Variants in SIPA1L1 observed in about 807,000 individuals in gnomAD.
SIPA1L1 encodes signal-induced proliferation-associated 1-like protein 1.
In SIPA1L1, 26 loss-of-function variants were observed where a neutral mutation model predicts 162.7. The ratio of observed to expected loss-of-function variants is 0.16; its 90% CI spans 0.12 to 0.22. The LOEUF is 0.22. SIPA1L1 is among the 10% of genes least tolerant of loss of function. The probability of loss-of-function intolerance (pLI) is 1.00; values close to 1 mark genes in which losing one functional copy is unlikely to be tolerated. For missense variants in SIPA1L1, 1,874 were observed against 2,241.0 expected, an observed-to-expected ratio of 0.84 and a Z score of 3.31; for synonymous variants, 829 against 837.4, an observed-to-expected ratio of 0.99 and a Z score of 0.17.
chr14:71,326,512 T>A (rs2033822071), intron 2 of SIPA1L1, among the ~76,000 whole-genome samples: 1 of 152,024 alleles, frequency 6.6e-6, no homozygotes. Context: ...CCTGGCCGAC[T>A]TGCTTCTTTT....
intron 4 of SIPA1L1, among the ~76,000 whole-genome samples, chr14:71,535,831 A>T (rs1483075870): frequency 1.3e-5 from 2 of 152,066 alleles, no homozygotes; most frequent in African/African-American, 4.8e-5. Flanking sequence ...GCTGTTTTCA[A>T]ACTCCTGGCC....
At chr14:71,542,295 TCTC>T (rs1413748523) in intron 4 of SIPA1L1, among the ~76,000 whole-genome samples, 4 of 146,578 alleles carry the variant, frequency 2.7e-5, no homozygotes, top group African/African-American at 5.0e-5. Context: ...CTCTTCCTCT[TCTC>T]CTCTTCCTCC....
At chr14:71,710,383 C>T (rs772220417) in intron 17 of SIPA1L1, among the ~76,000 whole-genome samples, 6 of 152,190 alleles carry the variant, frequency 3.9e-5, no homozygotes, top group African/African-American at 1.2e-4. Flanking sequence ...AGCATTCCAT[C>T]ACTGTCTTTT....
intron 2 of SIPA1L1, among the ~76,000 whole-genome samples, chr14:71,410,983 AG>A (rs2042362177): frequency 6.6e-6 from 1 of 152,154 alleles, no homozygotes; most frequent in African/African-American, 2.4e-5. Context: ...AATAGGCTGG[AG>A]GTCAAACTTC....
chr14:71,486,984 C>A (rs2048816004), intron 2 of SIPA1L1, among the ~76,000 whole-genome samples: 1 of 152,152 alleles, frequency 6.6e-6, no homozygotes, highest in African/African-American at 2.4e-5. Flanking sequence ...CTCTTGAAAG[C>A]TCTCTCCCTA....
chr14:71,402,088 G>A (rs1011276302), intron 2 of SIPA1L1, among the ~76,000 whole-genome samples: 8 of 152,084 alleles, frequency 5.3e-5, no homozygotes, highest in East Asian at 1.9e-4. Context: ...GCTGTATGAC[G>A]TTGGCCAAGT....
chr14:71,584,011 A>G (rs2034277210), intron 4 of SIPA1L1, among the ~76,000 whole-genome samples: 1 of 152,162 alleles, frequency 6.6e-6, no homozygotes, highest in Admixed American at 6.5e-5. Context: ...CAGTGGACCC[A>G]TGCTTCTGTC....
chr14:71,498,903 T>C (rs988741052), intron 2 of SIPA1L1, among the ~76,000 whole-genome samples: 4 of 152,194 alleles, frequency 2.6e-5, no homozygotes, highest in Non-Finnish European at 5.9e-5. Context: ...TTACAAGGCT[T>C]ATATTAATTT....
intron 7 of SIPA1L1, among the ~76,000 whole-genome samples, chr14:71,631,272 G>A (rs1475218483): frequency 6.6e-6 from 1 of 152,116 alleles, no homozygotes; most frequent in East Asian, 1.9e-4. Context: ...ACAGGCTGTA[G>A]ACACTTGCTT....
chr14:71,351,659 A>G (rs1157732226), intron 2 of SIPA1L1, among the ~76,000 whole-genome samples: 1 of 152,226 alleles, frequency 6.6e-6, no homozygotes, highest in African/African-American at 2.4e-5. Flanking sequence ...AACTTGGAAG[A>G]TGAGAAGTCT....
At chr14:71,598,198 AG>A in intron 5 of SIPA1L1, 1 of 985,350 alleles carries the variant, frequency 1.0e-6, no homozygotes, top group South Asian at 4.7e-5. Flanking sequence ...TGATCCCCAC[AG>A]GCACAAAACG....
At chr14:71,465,740 G>T (rs975802739) in intron 2 of SIPA1L1, among the ~76,000 whole-genome samples, 3 of 152,124 alleles carry the variant, frequency 2.0e-5, no homozygotes, top group African/African-American at 7.2e-5. Flanking sequence ...ACAGAACTAA[G>T]GGGAGTTTAT....
chr14:71,703,844 G>C (rs1400890361), intron 15 of SIPA1L1, among the ~76,000 whole-genome samples: 1 of 152,084 alleles, frequency 6.6e-6, no homozygotes, highest in Non-Finnish European at 1.5e-5. Context: ...GTTCTTCCTA[G>C]ACCCCTGTTC....
Position 71,672,455 on chromosome 14 carries a change from C to G in SIPA1L1, c.2937C>G (p.Pro979=), listed in dbSNP as rs1482007067. Residue 979 remains proline, a synonymous_variant, in exon 12 of 24, where the codon CCC becomes CCG. Coordinates refer to ENST00000381232, the MANE Select transcript of SIPA1L1 (RefSeq NM_001386936.1). ...NYEGIVADVE[P]YGYAWQAGLR... The stretch of plus-strand genomic sequence containing the variant: ...AGGGCATTGTGGCGGATGTGGAGCC[C>G]TACGGTTATGCCTGGCAGGCAGGGC... 5 of 1,614,080 alleles carry G rather than the reference C, an allele frequency of 3.1e-6. No individual in the cohort carries two copies. The highest frequency in any genetic ancestry group is 1.7e-5 in the Admixed American group (1 of 60,008).
chr14:71,629,035 T>G (rs963187726), intron 7 of SIPA1L1, among the ~76,000 whole-genome samples: 1 of 152,170 alleles, frequency 6.6e-6, no homozygotes, highest in African/African-American at 2.4e-5. Flanking sequence ...CCTCCCAGGT[T>G]CACGCCATTC....
chr14:71,713,374 T>C (rs2083022682), intron 17 of SIPA1L1, among the ~76,000 whole-genome samples: 1 of 152,042 alleles, frequency 6.6e-6, no homozygotes, highest in Non-Finnish European at 1.5e-5. Context: ...AGAGCATACA[T>C]AGAGTCTTTG....
intron 13 of SIPA1L1, among the ~76,000 whole-genome samples, chr14:71,686,693 C>A (rs1351069776): frequency 6.6e-6 from 1 of 152,130 alleles, no homozygotes; most frequent in Non-Finnish European, 1.5e-5. Context: ...ACAGCGTGAG[C>A]CACCACGCCT....
intron 2 of SIPA1L1, among the ~76,000 whole-genome samples, chr14:71,419,387 A>T (rs2140519435): frequency 6.7e-6 from 1 of 149,738 alleles, no homozygotes; most frequent in African/African-American, 2.5e-5. Context: ...AGGGACTTTC[A>T]GGGCTGTTCT....
chr14:71,712,657 G>A (rs1722163705), intron 17 of SIPA1L1, among the ~76,000 whole-genome samples: 1 of 152,178 alleles, frequency 6.6e-6, no homozygotes, highest in Non-Finnish European at 1.5e-5. Context: ...GCCAGTTTGT[G>A]TGGCAATCAA....
Sources: allele counts gnomAD v4.1 joint callset (sites outside exome capture counted in the v4.1 genomes callset), GRCh38; gene constraint gnomAD v4.1.1; transcripts MANE v1.5; gene names NCBI Gene and HGNC (gene_info 2026-07-23, HGNC 2026-07-21).